The following PTPN6 variants were observed in gnomAD, a reference collection of about 807,000 sequenced individuals.
The protein encoded by PTPN6 is tyrosine-protein phosphatase non-receptor type 6.
Under a neutral mutation model 81.5 loss-of-function variants are expected in PTPN6, and 18 were observed. The ratio of observed to expected loss-of-function variants is 0.22; its 90% confidence interval spans 0.15 to 0.33. The LOEUF (loss-of-function observed/expected upper bound fraction) is 0.33. Among genes scored for constraint, PTPN6 ranks in the 10% least tolerant of loss-of-function variants. The pLI is 1.00. For missense variants in PTPN6, 500 were observed against 794.2 expected (o/e 0.63, Z 4.45); for synonymous variants, 301 against 310.9 (o/e 0.97, Z 0.33).
chr12:6,953,116 G>A (rs1454744526), intron 3 of PTPN6: 1 of 152,138 alleles, frequency 6.6e-6, no homozygotes, highest in Non-Finnish European at 1.5e-5. Flanking sequence ...TCAAGGCACT[G>A]ATTGAAACTT....
upstream of PTPN6, among the ~76,000 whole-genome samples, chr12:6,947,440 C>T (rs112210940): frequency 7.9e-3 from 1,205 of 151,950 alleles, 18 homozygotes; most frequent in African/African-American, 0.025. Context: ...GAGGCTGAGG[C>T]GAGAGGATTG....
chr12:6,955,275 G>A lies in PTPN6; in HGVS notation c.633+8G>A, dbSNP rs782425945. 3 of 1,613,796 alleles carry A rather than the reference G, an allele frequency of 1.9e-6. No individual in the cohort carries two copies. The highest frequency in any genetic ancestry group is 2.2e-5 in the South Asian group (2 of 91,074). On this transcript the variant is annotated splice_region_variant and intron_variant, in intron 5 of 15. Coordinates refer to ENST00000318974, the MANE Select transcript of PTPN6 (RefSeq NM_002831.6). This position sits in a 1 kb window ranked among gnomAD's most constrained non-coding sequence, Gnocchi z 7.2. ...TTTGTCTACCTGCGGCAGGTCAGGG[G>A]TGGGCCCAGCTGCCTCCCCACTTCC... is the stretch of plus-strand genomic sequence containing the variant.
upstream of PTPN6, among the ~76,000 whole-genome samples, chr12:6,948,926 A>G (rs1244277587): frequency 1.6e-4 from 24 of 149,748 alleles, no homozygotes; most frequent in African/African-American, 5.9e-4. Context: ...GCCTGAGTGC[A>G]GCGGGAGAGA....
chr12:6,961,228 A>C lies in PTPN6; in HGVS notation c.*128A>C, dbSNP rs1591695164. On this transcript the variant is annotated 3_prime_UTR_variant, in exon 16 of 16. Coordinates refer to ENST00000318974, the MANE Select transcript of PTPN6 (RefSeq NM_002831.6). Reference sequence around the variant, plus strand: ...TAATTTAAATGGCTGCATCCCCCCCACCTCTCCCTGACCCTGTATATAGCC... The same window carrying C: ...TAATTTAAATGGCTGCATCCCCCCCCCCTCTCCCTGACCCTGTATATAGCC... The C allele has an allele frequency of 4.8e-6, 2 of 416,290 alleles. No homozygotes were observed. Among genetic ancestry groups the C allele is most frequent in the Non-Finnish European group, 9.0e-6 (2 of 221,624 alleles). 25.8% of individuals were successfully genotyped at this position (416,290 alleles called of 1,614,324 possible).
At position 6,951,891 on chromosome 12, in the gene PTPN6, C is replaced by A; in HGVS notation, c.132-92C>A. Reference sequence around the variant, plus strand: ...CCATCCCTGTCTGTGCCCACCCATGCCCATGTGTGCCCCCACCCAGGACCT... The same window carrying A: ...CCATCCCTGTCTGTGCCCACCCATGACCATGTGTGCCCCCACCCAGGACCT... On this transcript the variant is annotated intron_variant, in intron 2 of 15. Coordinates refer to ENST00000318974, the MANE Select transcript of PTPN6 (RefSeq NM_002831.6). This position sits in a 1 kb window ranked among gnomAD's most constrained non-coding sequence, Gnocchi z 7.2. 6.5e-7 allele frequency: 1 copy of A among 1,543,536 alleles called. No individual in the cohort carries two copies. Among genetic ancestry groups the A allele is most frequent in the Non-Finnish European group, 8.9e-7 (1 of 1,125,912 alleles).
Position 6,954,734 on chromosome 12 carries a change from C to A in PTPN6, c.327-71C>A. 6.7e-7 allele frequency: 1 copy of A among 1,494,086 alleles called. No individual in the cohort carries two copies. Among genetic ancestry groups the A allele is most frequent in the Non-Finnish European group, 9.1e-7 (1 of 1,093,170 alleles). The allele number at this position is 1,494,086 out of a possible 1,614,324, so 92.6% of individuals were successfully genotyped here. ...TAGGTGCTTGATTTCCGGCCCCTCT[C>A]TGTGAATGTCTCTGCTCAGCGCCTT... On this transcript the variant is annotated intron_variant, in intron 3 of 15. Transcript: ENST00000318974. The surrounding 1 kb of genome is among the most constrained non-coding windows in gnomAD (Gnocchi z 5.4).
In PTPN6 at chr12:6,959,751, A is replaced by G. The variant is rs1946095040; in HGVS notation, c.1362-176A>G. 2.9e-6 allele frequency: 2 copies of G among 698,764 alleles called. No individual in the cohort carries two copies. The highest frequency in any genetic ancestry group is 2.2e-5 in the Admixed American group (1 of 45,486). 43.3% of individuals were successfully genotyped at this position (698,764 alleles called of 1,614,324 possible). ...GCAGAGCCCGAGGTGGAGCGTGTCC[A>G]TGCAGAGCTGGGCAAACCTCCATCA... On this transcript the variant is annotated intron_variant, in intron 11 of 15. Transcript: ENST00000318974. The surrounding 1 kb of genome is among the most constrained non-coding windows in gnomAD (Gnocchi z 6.6).
intron 11 of PTPN6, among the ~76,000 whole-genome samples, chr12:6,958,526 C>T (rs1405225197): frequency 1.3e-5 from 2 of 152,256 alleles, no homozygotes; most frequent in Non-Finnish European, 2.9e-5. Flanking sequence ...TCGGTAGCCG[C>T]AGGGCTTCGG....
rs1343990046 is a variant in PTPN6 at position 6,954,347 on chromosome 12, C to T, written c.327-458C>T. On this transcript the variant is annotated intron_variant, in intron 3 of 15. Transcript: ENST00000318974. This position sits in a 1 kb window ranked among gnomAD's most constrained non-coding sequence, Gnocchi z 5.4. ...TGCTGGGGCACAGTCCCATCCTTCA[C>T]GGAGATTCATCCTTAGCTTCTCTCC... Among the ~76,000 whole-genome samples, 4 of 152,218 alleles carry T rather than the reference C, an allele frequency of 2.6e-5. No homozygotes were observed. The highest frequency in any genetic ancestry group is 6.5e-5 in the Admixed American group (1 of 15,278).
At position 6,951,857 on chromosome 12, in the gene PTPN6, C is replaced by G; in HGVS notation, c.131+126C>G. The G allele has an allele frequency of 6.4e-7, 1 of 1,568,552 alleles. No individual in the cohort carries two copies. Among genetic ancestry groups the G allele is most frequent in the Non-Finnish European group, 8.7e-7 (1 of 1,149,734 alleles). On this transcript the variant is annotated intron_variant, in intron 2 of 15. Transcript: ENST00000318974. The surrounding 1 kb of genome is among the most constrained non-coding windows in gnomAD (Gnocchi z 7.2). ...CCGTCTGTTCCCTTGCCCCCAACCC[C>G]CACACTCCCCATCCCTGTCTGTGCC...
At position 6,951,776 on chromosome 12, in the gene PTPN6, G is replaced by A; in HGVS notation, c.131+45G>A. On this transcript the variant is annotated intron_variant, in intron 2 of 15. Transcript: ENST00000318974. The surrounding 1 kb of genome is among the most constrained non-coding windows in gnomAD (Gnocchi z 7.2). ...CCCCGGGCATTTTGGCCACTCTCTT[G>A]TGCCATCCAGGCCCTGAACCACTCA... 1.9e-6 allele frequency: 3 copies of A among 1,605,424 alleles called. No homozygotes were observed. The highest frequency in any genetic ancestry group is 2.5e-6 in the Non-Finnish European group (3 of 1,179,918).
At position 6,956,687 on chromosome 12, in the gene PTPN6, G is replaced by T; in HGVS notation, c.1074+119G>T. The T allele has an allele frequency of 1.5e-6, 2 of 1,308,026 alleles. No individual in the cohort carries two copies. Among genetic ancestry groups the T allele is most frequent in the East Asian group, 2.4e-5 (1 of 41,160 alleles). 81.0% of individuals were successfully genotyped at this position (1,308,026 alleles called of 1,614,324 possible). A position where few individuals can be genotyped will look rare whatever the true frequency, so the allele number is the denominator to read the frequency against. On this transcript the variant is annotated intron_variant, in intron 9 of 15. Transcript: ENST00000318974. This position sits in a 1 kb window ranked among gnomAD's most constrained non-coding sequence, Gnocchi z 4.1. The stretch of plus-strand genomic sequence containing the variant: ...CAGGGGTGAGGGTCCGGCCCTTGTT[G>T]GGAAACTGAGGGCTAGTGACAAAGT...
rs782234185 is a variant in PTPN6 at position 6,957,803 on chromosome 12, C to T, written c.1206+18C>T. 1 of 1,614,134 alleles carries T rather than the reference C, an allele frequency of 6.2e-7. No individual in the cohort carries two copies. The highest frequency in any genetic ancestry group is 1.1e-5 in the South Asian group (1 of 91,088). The stretch of plus-strand genomic sequence containing the variant: ...TGGACAATGTGAGTGGCCCCCACGC[C>T]CTGCCCCATTCCGGGAGTCCCTCCC... On this transcript the variant is annotated intron_variant, in intron 10 of 15. Transcript: ENST00000318974. This position sits in a 1 kb window ranked among gnomAD's most constrained non-coding sequence, Gnocchi z 6.5.
At chr12:6,953,335 C>T (rs1452515225) in intron 3 of PTPN6, 2 of 151,974 alleles carry the variant, frequency 1.3e-5, no homozygotes, top group African/African-American at 4.8e-5. Flanking sequence ...TTTCTCCTTG[C>T]CTCCAGCCAG....
chr12:6,961,021 G>C, intron 15 of PTPN6, 76 bp downstream of exon 15: 1 of 1,541,766 alleles, frequency 6.5e-7, no homozygotes, highest in South Asian at 1.2e-5. Flanking sequence ...TGGGTGGATG[G>C]GGTGGCCGCA....
upstream of PTPN6, among the ~76,000 whole-genome samples, chr12:6,947,084 G>A (rs143910864): frequency 8.5e-5 from 13 of 152,256 alleles, no homozygotes; most frequent in African/African-American, 3.1e-4. Flanking sequence ...GAGGCCACCC[G>A]CGAAGGCCCT....
chr12:6,954,748 G>C lies in PTPN6; in HGVS notation c.327-57G>C, dbSNP rs1555148277. 5.8e-6 allele frequency: 9 copies of C among 1,553,448 alleles called. No homozygotes were observed. The highest frequency in any genetic ancestry group is 7.9e-6 in the Non-Finnish European group (9 of 1,139,026). The stretch of plus-strand genomic sequence containing the variant: ...CCGGCCCCTCTCTGTGAATGTCTCT[G>C]CTCAGCGCCTTCCCCTGTGGCCTGG... On this transcript the variant is annotated intron_variant, in intron 3 of 15. Transcript: ENST00000318974. The surrounding 1 kb of genome is among the most constrained non-coding windows in gnomAD (Gnocchi z 5.4).
Position 6,955,671 on chromosome 12 carries a change from G to A in PTPN6, c.759G>A (p.Lys253=), listed in dbSNP as rs1437426348. ...GFWEEFESLQ[K]QEVKNLHQRL... Reference sequence around the variant, plus strand: ...CACCCACATCTCAGAGTTTGCAGAAGCAGGAGGTGAAGAACTTGCACCAGC... The same window carrying A: ...CACCCACATCTCAGAGTTTGCAGAAACAGGAGGTGAAGAACTTGCACCAGC... Residue 253 remains lysine, a synonymous_variant, in exon 7 of 16, where the codon AAG becomes AAA. Coordinates refer to ENST00000318974, the MANE Select transcript of PTPN6 (RefSeq NM_002831.6). The surrounding 1 kb of genome is among the most constrained non-coding windows in gnomAD (Gnocchi z 7.2). 5 of 1,614,036 alleles carry A rather than the reference G, an allele frequency of 3.1e-6. No homozygotes were observed. Among genetic ancestry groups the A allele is most frequent in the Non-Finnish European group, 4.2e-6 (5 of 1,179,986 alleles).
rs1945924847 is a variant in PTPN6, at chr12:6,951,542, T to G, written c.8+22T>G. On this transcript the variant is annotated intron_variant, in intron 1 of 15. Coordinates refer to ENST00000318974, the MANE Select transcript of PTPN6 (RefSeq NM_002831.6). This position sits in a 1 kb window ranked among gnomAD's most constrained non-coding sequence, Gnocchi z 7.2. ...TGAGGTAAGGGCCTGCCACCCACGG[T>G]AGACAGGAGGCAAGGGTGCCTGGTG... The G allele has an allele frequency of 6.2e-7, 1 of 1,613,810 alleles. No homozygotes were observed. The highest frequency in any genetic ancestry group is 8.5e-7 in the Non-Finnish European group (1 of 1,179,970).
Sources: allele counts gnomAD v4.1 joint callset (sites outside exome capture counted in the v4.1 genomes callset), GRCh38; gene constraint gnomAD v4.1.1; non-coding constraint Gnocchi (gnomAD v3.1); transcripts MANE v1.5; gene names NCBI Gene and HGNC (gene_info 2026-07-23, HGNC 2026-07-21).